Variants in ACO1 observed in about 807,000 individuals in gnomAD.
The protein encoded by ACO1 is cytoplasmic aconitate hydratase.
A neutral mutation model predicts 105.1 loss-of-function variants in ACO1; 78 were observed. The ratio of observed to expected loss-of-function variants is 0.74; its 90% CI spans 0.62 to 0.90. The LOEUF (loss-of-function observed/expected upper bound fraction) is 0.90. ACO1 is among the 40% of genes least tolerant of loss of function. The pLI is 0.00. For missense variants in ACO1, 965 were observed against 1,111.1 expected (o/e 0.87, Z 1.87); for synonymous variants, 364 against 397.4 (o/e 0.92, Z 1.00).
At chr9:32,424,974 A>T (rs1363664168) in intron 10 of ACO1, among the ~76,000 whole-genome samples, 1 of 152,212 alleles carries the variant, frequency 6.6e-6, no homozygotes, top group African/African-American at 2.4e-5. Flanking sequence ...CCTGCCTGAA[A>T]GTCTCTTCTC....
Position 32,407,394 on chromosome 9 carries a change from A to C in ACO1, c.231A>C (p.Pro77=), listed in dbSNP as rs1286456854. 6.2e-7 allele frequency: 1 copy of C among 1,614,160 alleles called. No homozygotes were observed. Among genetic ancestry groups the C allele is most frequent in the East Asian group, 2.2e-5 (1 of 44,886 alleles). The change falls in exon 3 of 21, where the codon CCA becomes CCC. Residue 77 remains proline (P), a synonymous_variant. Transcript: ENST00000309951. ...NVTQHKNIEV[P]FKPARVILQD... is the part of the protein sequence containing the mutation. ...CGCAGCACAAGAACATAGAAGTGCC[A>C]TTTAAGCCTGCTCGTGTCATCCTGC...
intron 1 of ACO1, among the ~76,000 whole-genome samples, chr9:32,387,648 A>G (rs1821182274): frequency 1.3e-5 from 2 of 152,212 alleles, no homozygotes; most frequent in Non-Finnish European, 1.5e-5. Flanking sequence ...TAAAATATAG[A>G]TCAGCAAACT....
intron 12 of ACO1, 52 bp downstream of exon 12, chr9:32,427,488 A>C (rs763342596): frequency 8.1e-6 from 13 of 1,609,956 alleles, no homozygotes; most frequent in Non-Finnish European, 1.1e-5. Context: ...TGTATCCCTC[A>C]TGTATCTTGC....
At chr9:32,393,477 G>A (rs540174177) in intron 1 of ACO1, among the ~76,000 whole-genome samples, 5 of 152,160 alleles carry the variant, frequency 3.3e-5, no homozygotes, top group East Asian at 1.9e-4. Flanking sequence ...ATGCATGCCC[G>A]AAACTTCATT....
intron 19 of ACO1, among the ~76,000 whole-genome samples, chr9:32,445,141 AGG>A (rs1822570953): frequency 6.6e-6 from 1 of 152,134 alleles, no homozygotes; most frequent in Admixed American, 6.5e-5. Context: ...TGAGTTCGGG[AGG>A]ATTCCCTCTT....
intron 1 of ACO1, among the ~76,000 whole-genome samples, chr9:32,404,444 CCA>C (rs1821562053): frequency 6.6e-6 from 1 of 152,186 alleles, no homozygotes; most frequent in Non-Finnish European, 1.5e-5. Context: ...TGCCACAGAT[CCA>C]CACAGTTTAG....
chr9:32,419,323 G>T, intron 7 of ACO1, 146 bp downstream of exon 7: 1 of 834,722 alleles, frequency 1.2e-6, no homozygotes, highest in Non-Finnish European at 1.7e-6. Context: ...AGGAGATGAG[G>T]TAAGGGAAGT....
intron 8 of ACO1, among the ~76,000 whole-genome samples, chr9:32,422,115 GA>G: frequency 6.6e-6 from 1 of 152,314 alleles, no homozygotes; most frequent in Non-Finnish European, 1.5e-5. Flanking sequence ...GAAAGAGAGG[GA>G]TAGTGTGCTG....
At chr9:32,443,353 C>T (rs1340297447) in intron 19 of ACO1, among the ~76,000 whole-genome samples, 1 of 152,024 alleles carries the variant, frequency 6.6e-6, no homozygotes, top group Non-Finnish European at 1.5e-5. Flanking sequence ...TCTCCTGTGA[C>T]ATTAGACATC....
At chr9:32,399,149 G>A (rs2118368994) in intron 1 of ACO1, among the ~76,000 whole-genome samples, 1 of 152,318 alleles carries the variant, frequency 6.6e-6, no homozygotes, top group Admixed American at 6.5e-5. Context: ...TCAAGACCAA[G>A]TAGAGGCCAA....
At chr9:32,421,184 T>C (rs1171181892) in intron 8 of ACO1, among the ~76,000 whole-genome samples, 157 bp downstream of exon 8, 1 of 152,170 alleles carries the variant, frequency 6.6e-6, no homozygotes, top group African/African-American at 2.4e-5. Flanking sequence ...GTTTTTGGGA[T>C]TTAAGGAGTT....
At chr9:32,400,980 G>A (rs1319345018) in intron 1 of ACO1, among the ~76,000 whole-genome samples, 1 of 148,516 alleles carries the variant, frequency 6.7e-6, no homozygotes, top group East Asian at 2.0e-4. Flanking sequence ...TCAGATCCTA[G>A]TATATACATA....
intron 1 of ACO1, among the ~76,000 whole-genome samples, chr9:32,389,619 T>G (rs1821223273): frequency 6.6e-6 from 1 of 152,050 alleles, no homozygotes; most frequent in Non-Finnish European, 1.5e-5. Flanking sequence ...TCACTTCAGT[T>G]GACTGGCACC....
At position 32,431,942 on chromosome 9, in the gene ACO1, C is replaced by T. The variant is rs1822249021; in HGVS notation, c.1851+99C>T. 3.7e-6 allele frequency: 5 copies of T among 1,365,330 alleles called. No individual in the cohort carries two copies. In the Admixed American group the frequency reaches 9.7e-5, roughly 26 times the overall value. 84.6% of individuals were successfully genotyped at this position (1,365,330 alleles called of 1,614,324 possible). On this transcript the variant is annotated intron_variant, in intron 15 of 20. Coordinates refer to ENST00000309951, the MANE Select transcript of ACO1 (RefSeq NM_002197.3). ...ACCTCAAGGCTAACGGAAGTATAAA[C>T]TATATAAAGTAACATTTATTTCTTC...
At chr9:32,449,173 AGGC>A in intron 20 of ACO1, 92 bp downstream of exon 20, 1 of 1,303,740 alleles carries the variant, frequency 7.7e-7, no homozygotes, top group Admixed American at 2.7e-5. Context: ...GAGGTTTAGA[AGGC>A]AAAAAATATC....
rs766587886 is a variant in ACO1, at chr9:32,408,603, C to T, written c.356C>T (p.Pro119Leu). 2 of 1,614,200 alleles carry T rather than the reference C, an allele frequency of 1.2e-6. No individual in the cohort carries two copies. The highest frequency in any genetic ancestry group is 1.7e-6 in the Non-Finnish European group (2 of 1,180,022). Reference sequence around the variant, plus strand: ...CCAGAGAAAATAAACCCTGTCTGCCCTGCTGATCTTGTAATAGATCATTCC... The same window carrying T: ...CCAGAGAAAATAAACCCTGTCTGCCTTGCTGATCTTGTAATAGATCATTCC... ...GDPEKINPVC[P>L]ADLVIDHSIQ... Residue 119 changes from proline to leucine, a missense_variant, in exon 4 of 21, where the codon CCT (proline) becomes CTT (leucine). By Grantham distance (98) the Pro-to-Leu change is moderately conservative. Coordinates refer to ENST00000309951, the MANE Select transcript of ACO1 (RefSeq NM_002197.3).
At chr9:32,426,678 T>C (rs1021450640) in intron 11 of ACO1, among the ~76,000 whole-genome samples, 3 of 152,160 alleles carry the variant, frequency 2.0e-5, no homozygotes, top group Non-Finnish European at 4.4e-5. Flanking sequence ...CAGTCTTCTG[T>C]AGACAAGTTA....
intron 4 of ACO1, among the ~76,000 whole-genome samples, chr9:32,414,613 C>G (rs768795508): frequency 1.3e-5 from 2 of 152,186 alleles, no homozygotes; most frequent in Non-Finnish European, 2.9e-5. Flanking sequence ...GGTAAACATT[C>G]CTCCGTCAAT....
rs768760890 is a variant in ACO1 at position 32,431,820 on chromosome 9, A to G, written c.1828A>G (p.Lys610Glu). The stretch of plus-strand genomic sequence containing the variant: ...TCAGTATGTCATCCCGGGGATGTTT[A>G]AGGAAGTCTATCAGAAAATAGAGGT... ...ERQYVIPGMF[K>E]EVYQKIETVN... The change falls in exon 15 of 21, where the codon AAG (lysine) becomes GAG (glutamate). Residue 610 changes from lysine (K) to glutamate (E), a missense_variant. Coordinates refer to ENST00000309951, the MANE Select transcript of ACO1 (RefSeq NM_002197.3). 1 of 1,614,020 alleles carries G rather than the reference A, an allele frequency of 6.2e-7. No individual in the cohort carries two copies.
Sources: gnomAD v4.1 joint callset for allele counts (sites outside exome capture counted in the v4.1 genomes callset) on GRCh38, gnomAD v4.1.1 for gene constraint, MANE v1.5 for transcripts, NCBI Gene and HGNC (gene_info 2026-07-23, HGNC 2026-07-21) for gene names.